The following PRRT4 variants were observed in gnomAD, a reference collection of about 807,000 sequenced individuals.
PRRT4 encodes the protein proline rich transmembrane protein 4.
Under a neutral mutation model 55.6 loss-of-function variants are expected in PRRT4, and 59 were observed. That is an observed-to-expected ratio of 1.06 (90% CI 0.86 to 1.32). The LOEUF (loss-of-function observed/expected upper bound fraction) is 1.32. PRRT4 is among the 40% of genes most tolerant of loss of function. PRRT4 has a pLI of 0.00. For synonymous variants in PRRT4, 606 were observed against 601.8 expected, an observed-to-expected ratio of 1.01 and a Z score of -0.10; for missense variants, 1,217 against 1,222.0, an observed-to-expected ratio of 1.00 and a Z score of 0.06.
exon 5 of PRRT4, chr7:128,351,601 C>A (rs903260025): frequency 6.6e-7 from 1 of 1,505,760 alleles, no homozygotes; most frequent in Non-Finnish European, 8.8e-7. Context: ...AGTGACCCAG[C>A]CTCCCGGCAG....
intron 1 of PRRT4, among the ~76,000 whole-genome samples, 155 bp from the exon 3 acceptor site, chr7:128,360,218 G>A (rs359643): frequency 5.3e-5 from 8 of 151,972 alleles, no homozygotes; most frequent in Admixed American, 2.0e-4. Flanking sequence ...TCTTCTTGCC[G>A]GGCCCTTCCT....
At chr7:128,359,370 C>T (rs1797185593) in exon 2 of PRRT4, 5 of 1,470,938 alleles carry the variant, frequency 3.4e-6, no homozygotes, top group Non-Finnish European at 4.5e-6. Flanking sequence ...GCAATCTCTG[C>T]CAGGCTGGCC....
exon 2 of PRRT4, chr7:128,359,348 C>G (rs1013141914): frequency 6.8e-7 from 1 of 1,477,140 alleles, no homozygotes; most frequent in Admixed American, 2.7e-5. Context: ...ACCAAAGGGT[C>G]CCAGGCGCCC....
At chr7:128,361,694 G>C (rs1006418381), upstream of PRRT4, 25 of 152,558 alleles carry the variant, frequency 1.6e-4, no homozygotes, top group African/African-American at 6.0e-4. Context: ...CGGCTCTGAC[G>C]GCCCTCCCGT....
chr7:128,350,722 G>T, downstream of PRRT4: 1 of 1,395,996 alleles, frequency 7.2e-7, no homozygotes, highest in Non-Finnish European at 9.5e-7. Context: ...CCCACCCAGG[G>T]ACCCCTGGAT....
exon 5 of PRRT4, chr7:128,352,661 AGATGGGGAC>A (rs1797023344): frequency 2.6e-6 from 4 of 1,534,272 alleles, no homozygotes; most frequent in African/African-American, 1.4e-5. Flanking sequence ...TCTGGGCCAG[AGATGGGGAC>A]TGTGGGGTCT....
At chr7:128,351,933 C>T (rs1308750244) in exon 5 of PRRT4, 3 of 1,295,936 alleles carry the variant, frequency 2.3e-6, no homozygotes, top group African/African-American at 3.1e-5. Context: ...GCCCCTGCGG[C>T]AGGGGTGTGG....
chr7:128,360,938 C>T (rs1219419576), intron 1 of PRRT4, among the ~76,000 whole-genome samples: 2 of 151,840 alleles, frequency 1.3e-5, no homozygotes, highest in Admixed American at 6.6e-5. Context: ...ATCTAGCGCC[C>T]GTGACACACT....
chr7:128,357,954 G>T (rs538172777), intron 4 of PRRT4, among the ~76,000 whole-genome samples: 3 of 152,318 alleles, frequency 2.0e-5, no homozygotes, highest in African/African-American at 7.2e-5. Flanking sequence ...AAGGTTAATA[G>T]CTACTATTTA....
At chr7:128,359,589 G>T (rs773833322) in exon 2 of PRRT4, 1 of 1,509,734 alleles carries the variant, frequency 6.6e-7, no homozygotes, top group South Asian at 1.3e-5. Context: ...GGCCCAGAGC[G>T]CCGGGATGTG....
chr7:128,357,315 G>C (rs1347074592), intron 4 of PRRT4, among the ~76,000 whole-genome samples: 1 of 151,390 alleles, frequency 6.6e-6, no homozygotes, highest in Non-Finnish European at 1.5e-5. Flanking sequence ...GAGGCCTATA[G>C]CTCTCCTGGG....
intron 4 of PRRT4, among the ~76,000 whole-genome samples, chr7:128,357,905 G>A (rs1797150506): frequency 6.6e-6 from 1 of 152,210 alleles, no homozygotes; most frequent in South Asian, 2.1e-4. Flanking sequence ...GAGAGGTAGG[G>A]TCTGGAAGTG....
downstream of PRRT4, chr7:128,350,641 G>A (rs1034360379): frequency 2.9e-6 from 2 of 695,224 alleles, no homozygotes; most frequent in Non-Finnish European, 2.3e-6. Flanking sequence ...TTGCAGCTGA[G>A]GGCATCAGCA....
chr7:128,352,532 G>A, exon 5 of PRRT4: 4 of 1,543,886 alleles, frequency 2.6e-6, no homozygotes, highest in Non-Finnish European at 3.5e-6. Context: ...AAAAAGAGGG[G>A]CCTCGGCGCC....
intron 4 of PRRT4, among the ~76,000 whole-genome samples, chr7:128,357,836 C>T (rs1797148796): frequency 6.6e-6 from 1 of 152,190 alleles, no homozygotes; most frequent in Non-Finnish European, 1.5e-5. Context: ...AGCTCCTGTG[C>T]CCTCTGCTGT....
At position 128,350,888 on chromosome 7, in the gene PRRT4, G is replaced by T. The variant is rs1177124937; in HGVS notation, c.2668C>A (p.Leu890Met). ...TCTATGGTGTCGCTGCCCACGCTCA[G>T]CTCGTCGATCTGTCGGCAGGCGTCC... is the stretch of plus-strand genomic sequence containing the variant. The change falls in exon 5 of 5, where the codon CTG becomes ATG. Residue 890 changes from leucine to methionine, a missense_variant. This residue lies in a region of PRRT4 where 642 missense variants were observed against 600.9 expected (regional missense o/e 1.07). Transcript: ENST00000535159. 7.1e-6 allele frequency: 11 copies of T among 1,550,800 alleles called. No individual in the cohort carries two copies. In the Admixed American group the frequency reaches 9.8e-5, roughly 14 times the overall value.
chr7:128,351,065 C>A (rs890008216), exon 5 of PRRT4: 18 of 1,549,084 alleles, frequency 1.2e-5, no homozygotes, highest in Non-Finnish European at 1.6e-5. Flanking sequence ...AGGACGCAGA[C>A]CAGAGGGCAG....
At chr7:128,352,588 GACCCTGGCCCAC>G in exon 5 of PRRT4, 1 of 1,544,188 alleles carries the variant, frequency 6.5e-7, no homozygotes, top group Non-Finnish European at 8.7e-7. Flanking sequence ...CACGCTGCAG[GACCCTGGCCCAC>G]ACTCTGGCTG....
At chr7:128,357,811 C>A (rs1012292932) in intron 4 of PRRT4, among the ~76,000 whole-genome samples, 1 of 152,192 alleles carries the variant, frequency 6.6e-6, no homozygotes, top group Non-Finnish European at 1.5e-5. Flanking sequence ...CCTCATCCAC[C>A]AGAACCTCTC....
Sources: allele counts gnomAD v4.1 joint callset (sites outside exome capture counted in the v4.1 genomes callset), GRCh38; gene constraint gnomAD v4.1.1; regional missense constraint gnomAD v4.1.1; transcripts MANE v1.5; gene names NCBI Gene and HGNC (gene_info 2026-07-23, HGNC 2026-07-21).